Variants in GLIS3 observed in about 807,000 individuals in gnomAD.
GLIS3 encodes the protein zinc finger protein GLIS3.
GLIS3 carries 53 observed loss-of-function variants against 78.6 expected under a neutral mutation model. The observed-to-expected ratio is 0.67, with a 90% CI of 0.54 to 0.85. The LOEUF is 0.85. Among genes scored for constraint, GLIS3 ranks in the 40% least tolerant of loss-of-function variants. The pLI is 0.00. For synonymous variants in GLIS3, 684 were observed against 509.9 expected (o/e 1.34, Z -4.60); for missense variants, 1,703 against 1,231.1 (o/e 1.38, Z -5.74).
At chr9:4,352,443 A>G (rs953423162), upstream of GLIS3, among the ~76,000 whole-genome samples, 2 of 152,250 alleles carry the variant, frequency 1.3e-5, no homozygotes, top group Non-Finnish European at 2.9e-5. Context: ...ACATAGAAAT[A>G]CAGAGGACTA....
chr9:3,984,965 G>T (rs919812839), intron 4 of GLIS3, among the ~76,000 whole-genome samples: 7 of 152,040 alleles, frequency 4.6e-5, no homozygotes, highest in Non-Finnish European at 1.0e-4. Flanking sequence ...CTTGCCTTCT[G>T]CCATGATTGT....
intron 2 of GLIS3, among the ~76,000 whole-genome samples, chr9:4,244,763 T>G (rs776670780): frequency 2.6e-5 from 4 of 152,002 alleles, no homozygotes; most frequent in Non-Finnish European, 5.9e-5. Context: ...TTAGTAGAGA[T>G]AGGGTTTCAA....
At chr9:4,196,562 T>C (rs980638760) in intron 2 of GLIS3, among the ~76,000 whole-genome samples, 1 of 152,138 alleles carries the variant, frequency 6.6e-6, no homozygotes, top group South Asian at 2.1e-4. Context: ...CTGAGAGGAA[T>C]GAACAACTCC....
the GLIS3 span, among the ~76,000 whole-genome samples, chr9:4,362,428 G>C: frequency 6.6e-6 from 1 of 152,174 alleles, no homozygotes; most frequent in African/African-American, 2.4e-5. Context: ...CCCAAAATGA[G>C]CCATCTCAGC....
At chr9:3,960,598 T>G (rs1817483336) in intron 4 of GLIS3, among the ~76,000 whole-genome samples, 1 of 152,190 alleles carries the variant, frequency 6.6e-6, no homozygotes, top group African/African-American at 2.4e-5. Flanking sequence ...CACAGTATGT[T>G]GAATAAATTA....
In GLIS3 at chr9:4,299,699, T is replaced by G. The variant is rs1052173808; in HGVS notation, c.-377A>C. 6.6e-6 allele frequency: 1 copy of G among 152,462 alleles called. No homozygotes were observed. The highest frequency in any genetic ancestry group is 1.5e-5 in the Non-Finnish European group (1 of 68,140). 9.4% of individuals were successfully genotyped at this position (152,462 alleles called of 1,614,324 possible). A position where few individuals can be genotyped will look rare whatever the true frequency, so the allele number is the denominator to read the frequency against. ...AGGCAGAGGCGGGGTGGCTGGACCC[T>G]CGGCATCAGCTCATTCTCCCCTGCT... On this transcript the variant is annotated 5_prime_UTR_variant, in exon 1 of 11. Transcript: ENST00000381971.
At chr9:4,369,286 TAATTC>T in the GLIS3 span, among the ~76,000 whole-genome samples, 1 of 152,186 alleles carries the variant, frequency 6.6e-6, no homozygotes, top group Non-Finnish European at 1.5e-5. Flanking sequence ...CTTTCTAACC[TAATTC>T]TTTTCTGGAT....
At chr9:4,007,002 G>C (rs1478461141) in intron 4 of GLIS3, among the ~76,000 whole-genome samples, 1 of 152,178 alleles carries the variant, frequency 6.6e-6, no homozygotes, top group African/African-American at 2.4e-5. Context: ...AAAATGAAGT[G>C]ATGATATATT....
chr9:3,872,329 A>G (rs1324607539), intron 8 of GLIS3, among the ~76,000 whole-genome samples: 1 of 152,186 alleles, frequency 6.6e-6, no homozygotes, highest in Non-Finnish European at 1.5e-5. Flanking sequence ...AGTTGCTTCC[A>G]CATTTTCAGG....
chr9:4,328,935 C>T (rs1324050878), intron 2 of GLIS3, among the ~76,000 whole-genome samples: 1 of 152,160 alleles, frequency 6.6e-6, no homozygotes, highest in African/African-American at 2.4e-5. Context: ...GTGCAGTTCC[C>T]TAATAGTTTC....
At chr9:3,871,706 G>A (rs941422635) in intron 8 of GLIS3, among the ~76,000 whole-genome samples, 1 of 152,190 alleles carries the variant, frequency 6.6e-6, no homozygotes, top group African/African-American at 2.4e-5. Context: ...GGGACCCTGG[G>A]CCAGGCCCTG....
At chr9:4,250,750 G>A (rs1824293777) in intron 2 of GLIS3, among the ~76,000 whole-genome samples, 1 of 152,108 alleles carries the variant, frequency 6.6e-6, no homozygotes. Flanking sequence ...TGGGCATTTG[G>A]TGCTATAAAT....
At position 3,851,969 on chromosome 9, in the gene GLIS3, C is replaced by T. The variant is rs112419251; in HGVS notation, c.2473+4040G>A. On this transcript the variant is annotated intron_variant, in intron 9 of 10. Coordinates refer to ENST00000381971, the MANE Select transcript of GLIS3 (RefSeq NM_001042413.2). Reference sequence around the variant, plus strand: ...ATCAGTCTAGCCAACATGGTGAAACCCCATCTCTACTAGAAATACAAAAAA... The same window carrying T: ...ATCAGTCTAGCCAACATGGTGAAACTCCATCTCTACTAGAAATACAAAAAA... Among the ~76,000 whole-genome samples, 1,209 of 152,074 alleles carry T rather than the reference C, an allele frequency of 8.0e-3. 11 individuals carry two copies. The highest frequency in any genetic ancestry group is 0.024 in the African/African-American group (980 of 41,458).
the GLIS3 span, chr9:4,386,390 TTTA>T: frequency 1.6e-4 from 8 of 50,872 alleles, no homozygotes; most frequent in African/African-American, 5.0e-4. Context: ...TTCTTTTCTT[TTTA>T]AAAAAAATTA....
intron 4 of GLIS3, among the ~76,000 whole-genome samples, chr9:4,067,679 T>C (rs975896607): frequency 2.6e-5 from 4 of 151,878 alleles, no homozygotes; most frequent in African/African-American, 9.7e-5. Context: ...AAAGACAGTA[T>C]AGAGATGAAA....
chr9:4,403,794 G>A, the GLIS3 span, among the ~76,000 whole-genome samples: 2 of 151,872 alleles, frequency 1.3e-5, no homozygotes, highest in Non-Finnish European at 2.9e-5. Flanking sequence ...AAGAAGACAG[G>A]AAGGAAGGAA....
chr9:3,878,252 C>T (rs113156428), intron 8 of GLIS3, among the ~76,000 whole-genome samples: 6 of 151,786 alleles, frequency 4.0e-5, no homozygotes, highest in Non-Finnish European at 8.8e-5. Flanking sequence ...ATCTCTATTA[C>T]ATCATTTAAC....
intron 2 of GLIS3, among the ~76,000 whole-genome samples, chr9:4,222,663 G>T (rs554088644): frequency 6.6e-6 from 1 of 152,320 alleles, no homozygotes; most frequent in Admixed American, 6.5e-5. Flanking sequence ...GAAGGTCAAA[G>T]AACAGTGCTA....
rs56254712 is a variant in GLIS3, at chr9:4,037,547, A to AACACACACACACACAC, written c.1710+80205_1710+80220dup. Reference sequence around the variant, plus strand: ...GCAGTGGGCAGATGTGTGTGCACACAACACACACACACACACACACACACA... The same window carrying AACACACACACACACAC: ...GCAGTGGGCAGATGTGTGTGCACACAACACACACACACACACACACACACACACACACACACACACA... On this transcript the variant is annotated intron_variant, in intron 4 of 10. Transcript: ENST00000381971. 8.3e-3 allele frequency among the ~76,000 whole-genome samples: 1,225 copies of AACACACACACACACAC among 147,468 alleles called. 11 individuals carry two copies. The highest frequency in any genetic ancestry group is 0.026 in the African/African-American group (1,041 of 39,506).
Sources: gnomAD v4.1 joint callset for allele counts (sites outside exome capture counted in the v4.1 genomes callset) on GRCh38, gnomAD v4.1.1 for gene constraint, MANE v1.5 for transcripts, NCBI Gene and HGNC (gene_info 2026-07-23, HGNC 2026-07-21) for gene names.